The following HDAC9 variants were observed in gnomAD, a reference collection of about 807,000 sequenced individuals.
HDAC9 encodes the protein MEF-2 interacting transcription repressor (MITR) protein.
A neutral mutation model predicts 139.4 loss-of-function variants in HDAC9; 41 were observed. The observed-to-expected ratio is 0.29, with a 90% CI of 0.23 to 0.38. The LOEUF (loss-of-function observed/expected upper bound fraction) is 0.38. HDAC9 is among the 10% of genes least tolerant of loss of function. The pLI is 1.00. For missense variants in HDAC9, 1,147 were observed against 1,297.0 expected (o/e 0.88, Z 1.78); for synonymous variants, 517 against 476.2 (o/e 1.09, Z -1.12).
intron 1 of HDAC9, among the ~76,000 whole-genome samples, chr7:18,360,309 T>G (rs563032778): frequency 6.6e-6 from 1 of 152,308 alleles, no homozygotes; most frequent in East Asian, 1.9e-4. Context: ...AATGTTCAAG[T>G]TTTTCCTCTG....
intron 1 of HDAC9, among the ~76,000 whole-genome samples, chr7:18,134,691 T>C (rs1454123445): frequency 1.3e-5 from 2 of 152,178 alleles, no homozygotes; most frequent in Non-Finnish European, 2.9e-5. Context: ...CTCATCTCCA[T>C]GCCCGTTCTT....
At chr7:18,894,477 A>T (rs182892972) in intron 22 of HDAC9, among the ~76,000 whole-genome samples, 238 of 152,268 alleles carry the variant, frequency 1.6e-3, no homozygotes, top group African/African-American at 5.6e-3. Flanking sequence ...GTCAAGTAAG[A>T]TAAAAACTGA....
At chr7:18,169,676 G>C (rs1404788067) in intron 2 of HDAC9, among the ~76,000 whole-genome samples, 1 of 151,826 alleles carries the variant, frequency 6.6e-6, no homozygotes. Context: ...TGTTCTTATT[G>C]TTCAGTTCCC....
chr7:18,620,534 T>G (rs1839933426), intron 6 of HDAC9, among the ~76,000 whole-genome samples: 1 of 151,176 alleles, frequency 6.6e-6, no homozygotes. Context: ...TTTTTAATAC[T>G]AGAACAAACA....
chr7:18,592,932 A>G (rs1029110921), intron 5 of HDAC9, among the ~76,000 whole-genome samples: 2 of 152,178 alleles, frequency 1.3e-5, no homozygotes, highest in Non-Finnish European at 2.9e-5. Flanking sequence ...GCTACATGCA[A>G]AGAATTTGTC....
intron 24 of HDAC9, among the ~76,000 whole-genome samples, chr7:18,960,796 C>T (rs892412765): frequency 6.6e-6 from 1 of 151,912 alleles, no homozygotes; most frequent in Non-Finnish European, 1.5e-5. Flanking sequence ...TCTACCGACC[C>T]CAGTACAAGG....
At chr7:18,316,785 C>G (rs546154147) in intron 1 of HDAC9, among the ~76,000 whole-genome samples, 1 of 151,948 alleles carries the variant, frequency 6.6e-6, no homozygotes, top group South Asian at 2.1e-4. Flanking sequence ...CCATTGTATT[C>G]CAGCCTGGGT....
At chr7:18,397,014 C>T (rs1001341418) in intron 1 of HDAC9, among the ~76,000 whole-genome samples, 1 of 151,918 alleles carries the variant, frequency 6.6e-6, no homozygotes, top group African/African-American at 2.4e-5. Flanking sequence ...TGAGAGAAAT[C>T]CACTCTATGT....
intron 2 of HDAC9, among the ~76,000 whole-genome samples, chr7:18,572,735 A>G (rs1002901325): frequency 6.6e-6 from 1 of 152,208 alleles, no homozygotes; most frequent in Non-Finnish European, 1.5e-5. Flanking sequence ...AAACTAATAT[A>G]TAGGTTCTTA....
At chr7:18,622,350 G>T (rs183428170) in intron 6 of HDAC9, among the ~76,000 whole-genome samples, 1 of 152,264 alleles carries the variant, frequency 6.6e-6, no homozygotes, top group Non-Finnish European at 1.5e-5. Context: ...TAGAGAGGGA[G>T]TCTCGCCCTG....
intron 1 of HDAC9, among the ~76,000 whole-genome samples, chr7:18,137,363 G>A (rs1785503591): frequency 6.6e-6 from 1 of 150,602 alleles, no homozygotes; most frequent in African/African-American, 2.5e-5. Flanking sequence ...TGGTGAGAGA[G>A]GGCATCCCTG....
At chr7:18,713,960 A>G (rs1176540970) in intron 12 of HDAC9, among the ~76,000 whole-genome samples, 1 of 152,214 alleles carries the variant, frequency 6.6e-6, no homozygotes, top group Non-Finnish European at 1.5e-5. Flanking sequence ...CAATTTCCTT[A>G]TCCTATTTGG....
At chr7:18,938,230 CAAAA>C (rs71553939) in intron 23 of HDAC9, among the ~76,000 whole-genome samples, 2 of 75,346 alleles carry the variant, frequency 2.7e-5, no homozygotes, top group African/African-American at 1.0e-4. Flanking sequence ...GACTCCGTCT[CAAAA>C]AAAAAAAAAA....
At chr7:18,196,900 G>C (rs1324554510) in intron 2 of HDAC9, among the ~76,000 whole-genome samples, 2 of 152,136 alleles carry the variant, frequency 1.3e-5, no homozygotes, top group African/African-American at 4.8e-5. Context: ...TGGGCTACAG[G>C]TTGCCCAGAT....
At chr7:18,809,403 T>G (rs1044204007) in intron 17 of HDAC9, among the ~76,000 whole-genome samples, 1 of 152,004 alleles carries the variant, frequency 6.6e-6, no homozygotes, top group Non-Finnish European at 1.5e-5. Flanking sequence ...AAAGGCAACC[T>G]GTGTAATGGG....
At chr7:18,825,419 GGAA>G (rs778780374) in intron 17 of HDAC9, among the ~76,000 whole-genome samples, 1 of 152,132 alleles carries the variant, frequency 6.6e-6, no homozygotes, top group Non-Finnish European at 1.5e-5. Context: ...CTTGTGAAAA[GGAA>G]GATGCAGCCA....
chr7:18,747,799 C>A (rs768894558), intron 13 of HDAC9, among the ~76,000 whole-genome samples: 1 of 152,136 alleles, frequency 6.6e-6, no homozygotes, highest in Non-Finnish European at 1.5e-5. Flanking sequence ...TTTCAAAATG[C>A]AGGTGCCATT....
intron 6 of HDAC9, among the ~76,000 whole-genome samples, chr7:18,605,330 C>A (rs1835159642): frequency 6.6e-6 from 1 of 152,068 alleles, no homozygotes; most frequent in Admixed American, 6.5e-5. Context: ...ATGCTGTGAT[C>A]CCTTGAACTA....
Position 18,990,673 on chromosome 7 carries a change from C to G in HDAC9, c.3171-5350C>G, listed in dbSNP as rs144040245. On this transcript the variant is annotated intron_variant, in intron 25 of 25. Coordinates refer to ENST00000686413, the MANE Select transcript of HDAC9 (RefSeq NM_178425.4). The stretch of plus-strand genomic sequence containing the variant: ...TGGCTGCCGCCTTGCAGTTTGATCT[C>G]AGACTGCTGAGCTAGCAGTCAGCGA... Among the ~76,000 whole-genome samples the G allele has an allele frequency of 9.2e-3, 1,400 of 152,368 alleles. 11 individuals carry two copies. The highest frequency in any genetic ancestry group is 0.015 in the Non-Finnish European group (1,037 of 68,032).
Sources: gnomAD v4.1 joint callset for allele counts (sites outside exome capture counted in the v4.1 genomes callset) on GRCh38, gnomAD v4.1.1 for gene constraint, MANE v1.5 for transcripts, NCBI Gene and HGNC (gene_info 2026-07-23, HGNC 2026-07-21) for gene names.